Variants in MMP16 observed in about 807,000 individuals in gnomAD.
MMP16 encodes matrix metallopeptidase 16.
MMP16 carries 12 observed loss-of-function variants against 67.8 expected under a neutral mutation model. That is an observed-to-expected ratio of 0.18 (90% CI 0.11 to 0.29). The LOEUF is 0.29. Ranked by LOEUF, MMP16 falls within the 10% of genes least tolerant of loss-of-function variation. MMP16 has a pLI of 1.00. For missense variants in MMP16, 475 were observed against 765.7 expected, an observed-to-expected ratio of 0.62 and a Z score of 4.48; for synonymous variants, 249 against 255.9, an observed-to-expected ratio of 0.97 and a Z score of 0.26.
intron 3 of MMP16, among the ~76,000 whole-genome samples, chr8:88,175,222 T>C (rs913709132): frequency 6.6e-6 from 1 of 152,200 alleles, no homozygotes; most frequent in Non-Finnish European, 1.5e-5. Flanking sequence ...TTTAGCTTTT[T>C]CTGGGTCACA....
chr8:88,057,776 T>A (rs1388833372), intron 7 of MMP16, among the ~76,000 whole-genome samples: 1 of 152,138 alleles, frequency 6.6e-6, no homozygotes, highest in Non-Finnish European at 1.5e-5. Flanking sequence ...TTTGATACCA[T>A]TTAAGTTAAA....
At chr8:88,059,353 C>A (rs1808368295) in intron 7 of MMP16, among the ~76,000 whole-genome samples, 1 of 151,908 alleles carries the variant, frequency 6.6e-6, no homozygotes, top group South Asian at 2.1e-4. Flanking sequence ...TAAAAGAAAA[C>A]ATCAGAAGGC....
At chr8:88,237,681 C>CA (rs77461112) in intron 1 of MMP16, among the ~76,000 whole-genome samples, 3 of 151,172 alleles carry the variant, frequency 2.0e-5, no homozygotes, top group East Asian at 1.9e-4. Context: ...ACAACAACAA[C>CA]AAAAAACAAC....
At chr8:88,286,581 T>G in intron 1 of MMP16, among the ~76,000 whole-genome samples, 1 of 26,680 alleles carries the variant, frequency 3.7e-5, no homozygotes, top group East Asian at 8.5e-3. Context: ...TGGAACTCAA[T>G]TTTTTTTTTT....
In MMP16 at chr8:88,040,839, G is replaced by A. The variant is rs903062698; in HGVS notation, c.*622C>T. 3.9e-5 allele frequency: 6 copies of A among 152,508 alleles called. No individual in the cohort carries two copies. The highest frequency in any genetic ancestry group is 7.3e-5 in the Non-Finnish European group (5 of 68,044). 9.4% of individuals were successfully genotyped at this position (152,508 alleles called of 1,614,324 possible). On this transcript the variant is annotated 3_prime_UTR_variant, in exon 10 of 10. Coordinates refer to ENST00000286614, the MANE Select transcript of MMP16 (RefSeq NM_005941.5). ...AAAATGGCTGTCCCAACAGTCTAAC[G>A]TCCTGCATGTGTATTCCAAATCTCC...
chr8:88,313,231 A>C (rs1432508467), intron 1 of MMP16, among the ~76,000 whole-genome samples: 2 of 152,186 alleles, frequency 1.3e-5, no homozygotes, highest in Admixed American at 1.3e-4. Context: ...GCAGCTTTTA[A>C]CATTTCATGC....
chr8:88,196,889 T>A (rs1260179610), intron 2 of MMP16, among the ~76,000 whole-genome samples: 1 of 150,878 alleles, frequency 6.6e-6, no homozygotes, highest in African/African-American at 2.4e-5. Flanking sequence ...TGTAGTAGCT[T>A]CAACTGTACA....
At chr8:88,091,893 G>C (rs973126574) in intron 6 of MMP16, among the ~76,000 whole-genome samples, 1 of 151,792 alleles carries the variant, frequency 6.6e-6, no homozygotes, top group South Asian at 2.1e-4. Flanking sequence ...ATACTGGGTA[G>C]CACGCAGAGT....
chr8:88,295,242 T>C (rs1037077268), intron 1 of MMP16, among the ~76,000 whole-genome samples: 1 of 152,178 alleles, frequency 6.6e-6, no homozygotes, highest in Non-Finnish European at 1.5e-5. Context: ...TTTAAAATAA[T>C]TCTCCTCTTA....
chr8:88,177,561 G>A (rs1007601597), intron 3 of MMP16, among the ~76,000 whole-genome samples: 14 of 152,242 alleles, frequency 9.2e-5, no homozygotes, highest in Non-Finnish European at 2.1e-4. Flanking sequence ...TTACAGTGAA[G>A]ATCTGAGAAA....
intron 6 of MMP16, among the ~76,000 whole-genome samples, chr8:88,115,214 T>C (rs1243904912): frequency 6.6e-6 from 1 of 152,024 alleles, no homozygotes; most frequent in Admixed American, 6.6e-5. Context: ...TCAGGTGTCT[T>C]TTAGAATAAA....
At chr8:88,117,558 TAAG>T (rs1809456990) in intron 5 of MMP16, among the ~76,000 whole-genome samples, 1 of 152,130 alleles carries the variant, frequency 6.6e-6, no homozygotes, top group Non-Finnish European at 1.5e-5. Context: ...GTGAACCACT[TAAG>T]AAGAATTTCT....
intron 1 of MMP16, among the ~76,000 whole-genome samples, chr8:88,281,637 C>T (rs1464107330): frequency 6.6e-6 from 1 of 152,138 alleles, no homozygotes; most frequent in Admixed American, 6.5e-5. Context: ...AATAAATTTA[C>T]CAGGCCCCCA....
chr8:88,145,808 T>C (rs1161890034), intron 4 of MMP16, among the ~76,000 whole-genome samples: 2 of 151,868 alleles, frequency 1.3e-5, no homozygotes, highest in African/African-American at 4.8e-5. Context: ...CTGAGGATGA[T>C]TTTACCTCCT....
chr8:88,149,229 G>C (rs548172079), intron 4 of MMP16, among the ~76,000 whole-genome samples: 77 of 152,354 alleles, frequency 5.1e-4, no homozygotes, highest in African/African-American at 1.8e-3. Context: ...GAATCTCGCT[G>C]ATTGCTAGCA....
At chr8:88,208,453 T>C (rs1252335328) in intron 1 of MMP16, among the ~76,000 whole-genome samples, 1 of 152,216 alleles carries the variant, frequency 6.6e-6, no homozygotes, top group Admixed American at 6.5e-5. Context: ...GTTCTTCTTA[T>C]ATTAGAAAAT....
chr8:88,172,304 T>G (rs1039371726), intron 3 of MMP16, among the ~76,000 whole-genome samples: 1 of 152,218 alleles, frequency 6.6e-6, no homozygotes, highest in Non-Finnish European at 1.5e-5. Context: ...GGTAATTTAA[T>G]GATCTCTGAC....
intron 1 of MMP16, among the ~76,000 whole-genome samples, chr8:88,254,823 A>G (rs559294741): frequency 1.3e-5 from 2 of 152,292 alleles, no homozygotes; most frequent in Admixed American, 1.3e-4. Flanking sequence ...AAACTAAGGA[A>G]ATTTTAATAA....
At chr8:88,136,978 A>G (rs138050236) in intron 4 of MMP16, among the ~76,000 whole-genome samples, 1 of 151,938 alleles carries the variant, frequency 6.6e-6, no homozygotes, top group African/African-American at 2.4e-5. Flanking sequence ...TGTTATATAC[A>G]TATTTTTTTT....
Sources: allele counts gnomAD v4.1 joint callset (sites outside exome capture counted in the v4.1 genomes callset), GRCh38; gene constraint gnomAD v4.1.1; transcripts MANE v1.5; gene names NCBI Gene and HGNC (gene_info 2026-07-23, HGNC 2026-07-21).